Variants in CFAP299 observed in about 807,000 individuals in gnomAD.
CFAP299 encodes cilia and flagella associated protein 299.
CFAP299 carries 21 observed loss-of-function variants against 27.0 expected under a neutral mutation model. That is an observed-to-expected ratio of 0.78 (90% CI 0.55 to 1.12). The LOEUF is 1.12. Among genes scored for constraint, CFAP299 ranks in the 50% most tolerant of loss-of-function variants. The probability of loss-of-function intolerance (pLI) is 0.00; values close to 1 mark genes in which losing one functional copy is unlikely to be tolerated. For synonymous variants in CFAP299, 104 were observed against 98.1 expected, an observed-to-expected ratio of 1.06 and a Z score of -0.36; for missense variants, 310 against 276.6, an observed-to-expected ratio of 1.12 and a Z score of -0.86.
At position 80,608,891 on chromosome 4, in the gene CFAP299, ATG is replaced by A. The variant is rs1737822774; in HGVS notation, c.333+25711_333+25712del. On this transcript the variant is annotated intron_variant, in intron 3 of 5. Coordinates refer to ENST00000358105, the MANE Select transcript of CFAP299 (RefSeq NM_152770.3). ...TGTGTGTGTGTGTGTGTGTGTGTGTATGTGCACAGAGAAAGAGGGGATGATTA... is the reference window on the plus strand; with the variant it reads ...TGTGTGTGTGTGTGTGTGTGTGTGTATGCACAGAGAAAGAGGGGATGATTA... Among the ~76,000 whole-genome samples, 6 of 143,544 alleles carry A rather than the reference ATG, an allele frequency of 4.2e-5. No homozygotes were observed. The East Asian group carries it at 1.2e-3, about 29-fold the overall frequency. 94.2% of individuals were successfully genotyped at this position (143,544 alleles called of 152,430 possible). A position where few individuals can be genotyped will look rare whatever the true frequency, so the allele number is the denominator to read the frequency against.
intron 2 of CFAP299, among the ~76,000 whole-genome samples, chr4:80,389,435 T>A (rs2110031134): frequency 6.6e-6 from 1 of 152,280 alleles, no homozygotes; most frequent in South Asian, 2.1e-4. Flanking sequence ...CCTGGGAAAT[T>A]AAAAATTAAG....
At chr4:80,664,027 G>T (rs547613263) in intron 3 of CFAP299, among the ~76,000 whole-genome samples, 1 of 152,104 alleles carries the variant, frequency 6.6e-6, no homozygotes, top group Non-Finnish European at 1.5e-5. Flanking sequence ...GTAGATTCTG[G>T]ATATTAGCCC....
Position 80,799,238 on chromosome 4 carries a change from T to TTA in CFAP299, c.334-70747_334-70746dup, listed in dbSNP as rs1243379798. Among the ~76,000 whole-genome samples the TTA allele has an allele frequency of 1.4e-3, 101 of 72,316 alleles. 6 individuals are homozygous for TTA. Among genetic ancestry groups the TTA allele is most frequent in the Admixed American group, 7.6e-3 (40 of 5,244 alleles). The allele number at this position is 72,316 out of a possible 152,430, so 47.4% of individuals were successfully genotyped here. On this transcript the variant is annotated intron_variant, in intron 3 of 5. Coordinates refer to ENST00000358105, the MANE Select transcript of CFAP299 (RefSeq NM_152770.3). ...TTGTATAAATATATTTATATAATAT[T>TTA]TATATATATTGTATAAATATATTTA...
chr4:80,644,964 T>C (rs536866596), intron 3 of CFAP299, among the ~76,000 whole-genome samples: 3 of 152,262 alleles, frequency 2.0e-5, no homozygotes, highest in South Asian at 4.1e-4. Flanking sequence ...CGCCTTCTTG[T>C]AAGATTTTAT....
At chr4:80,381,296 A>G (rs1481225214) in intron 2 of CFAP299, among the ~76,000 whole-genome samples, 2 of 152,148 alleles carry the variant, frequency 1.3e-5, no homozygotes, top group Non-Finnish European at 2.9e-5. Flanking sequence ...AGTGTCTTCA[A>G]AATCTCCTTG....
intron 2 of CFAP299, among the ~76,000 whole-genome samples, chr4:80,437,793 A>G (rs2110083825): frequency 6.6e-6 from 1 of 152,346 alleles, no homozygotes; most frequent in Admixed American, 6.5e-5. Flanking sequence ...CAAAGCGATT[A>G]GTAATATTGT....
At chr4:80,356,024 G>A (rs914870920) in intron 1 of CFAP299, among the ~76,000 whole-genome samples, 2 of 151,940 alleles carry the variant, frequency 1.3e-5, no homozygotes, top group South Asian at 2.1e-4. Context: ...TATGGTGTAA[G>A]GAATGGGTCC....
intron 4 of CFAP299, among the ~76,000 whole-genome samples, chr4:80,889,621 C>A (rs1734151080): frequency 6.6e-6 from 1 of 152,022 alleles, no homozygotes; most frequent in African/African-American, 2.4e-5. Flanking sequence ...CAAACTTATT[C>A]TACAAAGCCA....
At chr4:80,550,089 TTAAA>T (rs1212883294) in intron 2 of CFAP299, among the ~76,000 whole-genome samples, 1 of 151,928 alleles carries the variant, frequency 6.6e-6, no homozygotes, top group African/African-American at 2.4e-5. Context: ...TTTTTAATAT[TTAAA>T]TATTTTATGA....
chr4:80,736,175 G>A (rs546958365), intron 3 of CFAP299, among the ~76,000 whole-genome samples: 1 of 152,112 alleles, frequency 6.6e-6, no homozygotes, highest in South Asian at 2.1e-4. Flanking sequence ...GTCCTGAATG[G>A]TAATGCCTAG....
chr4:80,334,563 CTAT>C (rs1415217465), upstream of CFAP299, among the ~76,000 whole-genome samples: 2 of 152,130 alleles, frequency 1.3e-5, no homozygotes, highest in Non-Finnish European at 2.9e-5. Context: ...TGTACCTGGC[CTAT>C]TATTACTTTT....
At chr4:80,910,275 T>A (rs940393189) in intron 4 of CFAP299, among the ~76,000 whole-genome samples, 18 of 152,122 alleles carry the variant, frequency 1.2e-4, no homozygotes, top group African/African-American at 4.3e-4. Context: ...AGTGTGGTGA[T>A]CCCTCAAAAT....
intron 2 of CFAP299, among the ~76,000 whole-genome samples, chr4:80,580,886 C>T (rs1211529385): frequency 6.6e-6 from 1 of 151,942 alleles, no homozygotes; most frequent in African/African-American, 2.4e-5. Flanking sequence ...GCTATGTTCT[C>T]TTTTTCCTCT....
the CFAP299 span, among the ~76,000 whole-genome samples, chr4:80,330,214 A>T: frequency 1.3e-5 from 2 of 151,970 alleles, no homozygotes. Context: ...TCCTAATTTC[A>T]ACCTCCCCTT....
chr4:80,646,986 AGAGTGTGT>A (rs1266841899), intron 3 of CFAP299, among the ~76,000 whole-genome samples: 39 of 49,126 alleles, frequency 7.9e-4, no homozygotes, highest in African/African-American at 1.7e-3. Flanking sequence ...AGAGAGAGAG[AGAGTGTGT>A]GTGTGTGTGT....
intron 4 of CFAP299, among the ~76,000 whole-genome samples, chr4:80,915,861 A>G (rs1481289799): frequency 3.3e-5 from 5 of 151,994 alleles, no homozygotes; most frequent in Non-Finnish European, 7.4e-5. Flanking sequence ...TTCTCTTCTT[A>G]CCATATAAAT....
intron 3 of CFAP299, among the ~76,000 whole-genome samples, chr4:80,807,822 T>C (rs1274502700): frequency 1.3e-5 from 2 of 152,122 alleles, no homozygotes; most frequent in African/African-American, 2.4e-5. Context: ...TTATTAATAA[T>C]GTGTGATGTA....
At chr4:80,897,266 G>A (rs566323038) in intron 4 of CFAP299, among the ~76,000 whole-genome samples, 1 of 152,270 alleles carries the variant, frequency 6.6e-6, no homozygotes, top group South Asian at 2.1e-4. Context: ...AAAACTTTAT[G>A]TTATGAAATT....
intron 3 of CFAP299, among the ~76,000 whole-genome samples, chr4:80,848,087 C>T (rs1560442647): frequency 6.6e-6 from 1 of 151,380 alleles, no homozygotes; most frequent in Non-Finnish European, 1.5e-5. Flanking sequence ...GGTGTGCTCC[C>T]GTAGTGCCAG....
Sources: gnomAD v4.1 joint callset for allele counts (sites outside exome capture counted in the v4.1 genomes callset) on GRCh38, gnomAD v4.1.1 for gene constraint, MANE v1.5 for transcripts, NCBI Gene and HGNC (gene_info 2026-07-23, HGNC 2026-07-21) for gene names.